The following SPATA6 variants were observed in gnomAD, a reference collection of about 807,000 sequenced individuals.
The protein encoded by SPATA6 is spermatogenesis-associated protein 6.
In SPATA6, 56 loss-of-function variants were observed where a neutral mutation model predicts 65.3. The observed-to-expected ratio is 0.86, with a 90% CI of 0.69 to 1.07. The LOEUF (loss-of-function observed/expected upper bound fraction) is 1.07, where lower values mean the gene tolerates loss of function less well. Ranked by LOEUF, SPATA6 falls within the 50% of genes least tolerant of loss-of-function variation. The probability of loss-of-function intolerance (pLI) is 0.00; values close to 1 mark genes in which losing one functional copy is unlikely to be tolerated. For synonymous variants in SPATA6, 199 were observed against 213.2 expected (o/e 0.93, Z 0.58); for missense variants, 590 against 594.8 (o/e 0.99, Z 0.08).
At chr1:48,340,248 A>G (rs930457991) in intron 11 of SPATA6, among the ~76,000 whole-genome samples, 9 of 62,368 alleles carry the variant, frequency 1.4e-4, no homozygotes, top group African/African-American at 2.7e-4. Flanking sequence ...CACTAAAAAA[A>G]AAAAAAAAAA....
chr1:48,408,068 G>A (rs1330897629), intron 5 of SPATA6, among the ~76,000 whole-genome samples: 1 of 152,196 alleles, frequency 6.6e-6, no homozygotes, highest in Admixed American at 6.5e-5. Context: ...CCCAAAGAAA[G>A]TATAGTTTTA....
chr1:48,394,974 G>T lies in SPATA6; in HGVS notation c.868+293C>A, dbSNP rs113110658. Among the ~76,000 whole-genome samples the T allele has an allele frequency of 6.9e-3, 1,055 of 151,996 alleles. 14 individuals carry two copies. Among genetic ancestry groups the T allele is most frequent in the African/African-American group, 0.024 (1,011 of 41,492 alleles). On this transcript the variant is annotated intron_variant, in intron 8 of 12. Coordinates refer to ENST00000371847, the MANE Select transcript of SPATA6 (RefSeq NM_019073.4). The stretch of plus-strand genomic sequence containing the variant: ...CAAGTTTATAAAATGTTGAGTAAAA[G>T]TAAATTAATCAAGTCATTTTTTACT...
the SPATA6 span, among the ~76,000 whole-genome samples, chr1:48,271,344 T>C: frequency 2.6e-5 from 4 of 152,290 alleles, no homozygotes; most frequent in African/African-American, 9.6e-5. Flanking sequence ...GAGTATCCAT[T>C]TGAAAATCAG....
the SPATA6 span, among the ~76,000 whole-genome samples, chr1:48,285,973 T>C: frequency 6.6e-6 from 1 of 152,216 alleles, no homozygotes; most frequent in Admixed American, 6.5e-5. Flanking sequence ...TGAATATTAG[T>C]TGACCATATA....
At chr1:48,465,879 T>C (rs766011442) in intron 1 of SPATA6, among the ~76,000 whole-genome samples, 3 of 152,186 alleles carry the variant, frequency 2.0e-5, no homozygotes, top group Non-Finnish European at 4.4e-5. Flanking sequence ...TTAAAAACCT[T>C]TTAAAAAGAC....
chr1:48,375,130 G>C (rs1358447058), intron 9 of SPATA6, among the ~76,000 whole-genome samples: 2 of 151,976 alleles, frequency 1.3e-5, no homozygotes, highest in Admixed American at 1.3e-4. Flanking sequence ...CTCTCTTCAG[G>C]GATCTCTCTG....
At chr1:48,452,003 C>A (rs974203060) in intron 2 of SPATA6, among the ~76,000 whole-genome samples, 1 of 152,130 alleles carries the variant, frequency 6.6e-6, no homozygotes, top group Non-Finnish European at 1.5e-5. Context: ...CTCTGACCAC[C>A]TTTTAAAATA....
At chr1:48,375,017 T>C (rs1647720209) in intron 9 of SPATA6, among the ~76,000 whole-genome samples, 1 of 152,224 alleles carries the variant, frequency 6.6e-6, no homozygotes, top group African/African-American at 2.4e-5. Context: ...AGATGGCAGC[T>C]GACAATCCTA....
Position 48,402,134 on chromosome 1 carries a change from C to G in SPATA6, c.486+1668G>C, listed in dbSNP as rs554202483. 8.1e-4 allele frequency among the ~76,000 whole-genome samples: 123 copies of G among 151,782 alleles called. 1 individual carries two copies. Among genetic ancestry groups the G allele is most frequent in the Non-Finnish European group, 1.6e-3 (108 of 67,938 alleles). On this transcript the variant is annotated intron_variant, in intron 6 of 12. Coordinates refer to ENST00000371847, the MANE Select transcript of SPATA6 (RefSeq NM_019073.4). Reference sequence around the variant, plus strand: ...TCTCATATCTCTGTTCAATAAAGATCCCAAGTCAAAAAGTAAAAATAAAAA... The same window carrying G: ...TCTCATATCTCTGTTCAATAAAGATGCCAAGTCAAAAAGTAAAAATAAAAA...
the SPATA6 span, among the ~76,000 whole-genome samples, chr1:48,268,326 GTGTGTGTT>G: frequency 1.3e-5 from 2 of 150,398 alleles, no homozygotes; most frequent in South Asian, 2.1e-4. Flanking sequence ...GTGTGTGTGT[GTGTGTGTT>G]TGTGTGTGTG....
the SPATA6 span, among the ~76,000 whole-genome samples, chr1:48,272,776 C>T: frequency 6.6e-6 from 1 of 152,008 alleles, no homozygotes; most frequent in Non-Finnish European, 1.5e-5. Context: ...TCCATAACGG[C>T]TATGGAAAAA....
At chr1:48,317,797 A>T (rs1645482937) in intron 11 of SPATA6, among the ~76,000 whole-genome samples, 1 of 152,240 alleles carries the variant, frequency 6.6e-6, no homozygotes, top group Non-Finnish European at 1.5e-5. Flanking sequence ...AAGAGGAAGA[A>T]GAACTCACCA....
intron 9 of SPATA6, among the ~76,000 whole-genome samples, chr1:48,373,533 C>A (rs188564629): frequency 2.6e-5 from 4 of 152,324 alleles, no homozygotes; most frequent in Non-Finnish European, 5.9e-5. Flanking sequence ...GCCTGTTACC[C>A]AGTTCCAAAG....
intron 11 of SPATA6, among the ~76,000 whole-genome samples, chr1:48,315,440 G>A (rs376987454): frequency 2.6e-5 from 4 of 151,908 alleles, no homozygotes; most frequent in African/African-American, 9.7e-5. Context: ...AGACAAAAAC[G>A]ACATGATTAT....
chr1:48,412,465 A>T (rs1652338751), intron 4 of SPATA6, among the ~76,000 whole-genome samples: 1 of 152,216 alleles, frequency 6.6e-6, no homozygotes, highest in Non-Finnish European at 1.5e-5. Flanking sequence ...GTTAGTTTCC[A>T]TTTTCAATTA....
intron 11 of SPATA6, among the ~76,000 whole-genome samples, chr1:48,350,171 C>G (rs1646477174): frequency 1.3e-5 from 2 of 151,616 alleles, no homozygotes; most frequent in African/African-American, 4.8e-5. Context: ...TTAATTTGCA[C>G]TTCCATTATG....
intron 11 of SPATA6, among the ~76,000 whole-genome samples, chr1:48,306,781 T>C (rs551961279): frequency 1.3e-5 from 2 of 152,064 alleles, no homozygotes; most frequent in East Asian, 1.9e-4. Flanking sequence ...GAGAGCATTA[T>C]GTGTAAACGT....
chr1:48,276,205 T>A, the SPATA6 span, among the ~76,000 whole-genome samples: 1 of 152,152 alleles, frequency 6.6e-6, no homozygotes, highest in Non-Finnish European at 1.5e-5. Context: ...TTTTTTATTG[T>A]GTCTGTTTGA....
intron 9 of SPATA6, among the ~76,000 whole-genome samples, chr1:48,371,070 A>G (rs1048097331): frequency 6.6e-6 from 1 of 152,238 alleles, no homozygotes; most frequent in Admixed American, 6.5e-5. Context: ...TGGAAAAATT[A>G]TAACTAAAAT....
Sources: gnomAD v4.1 joint callset for allele counts (sites outside exome capture counted in the v4.1 genomes callset) on GRCh38, gnomAD v4.1.1 for gene constraint, MANE v1.5 for transcripts, NCBI Gene and HGNC (gene_info 2026-07-23, HGNC 2026-07-21) for gene names.